FAAH: variants seen among roughly 807,000 people sequenced by gnomAD.
FAAH encodes fatty-acid amide hydrolase 1.
A neutral mutation model predicts 69.7 loss-of-function variants in FAAH; 63 were observed. The ratio of observed to expected loss-of-function variants is 0.90; its 90% CI spans 0.74 to 1.12. The LOEUF (loss-of-function observed/expected upper bound fraction) is 1.12. Ranked by LOEUF, FAAH falls within the 50% of genes most tolerant of loss-of-function variation. The probability of loss-of-function intolerance (pLI) is 0.00; values close to 1 mark genes in which losing one functional copy is unlikely to be tolerated. For synonymous variants in FAAH, 305 were observed against 324.2 expected, an observed-to-expected ratio of 0.94 and a Z score of 0.64; for missense variants, 680 against 755.0, an observed-to-expected ratio of 0.90 and a Z score of 1.16.
intron 1 of FAAH, among the ~76,000 whole-genome samples, chr1:46,401,128 A>AG (rs1385748312): frequency 6.5e-5 from 3 of 46,480 alleles, no homozygotes; most frequent in Admixed American, 2.8e-4. Flanking sequence ...CCAGGGGAGG[A>AG]GGGGGAGTAG....
intron 13 of FAAH, 25 bp from the exon 14 acceptor site, chr1:46,413,050 T>G (rs1335586646): frequency 3.1e-6 from 5 of 1,613,760 alleles, no homozygotes; most frequent in Non-Finnish European, 4.2e-6. Flanking sequence ...CAGGGCCTGC[T>G]GCAGCTGCCT....
At chr1:46,403,305 A>G (rs1357803876) in intron 2 of FAAH, among the ~76,000 whole-genome samples, 1 of 149,328 alleles carries the variant, frequency 6.7e-6, no homozygotes, top group Non-Finnish European at 1.5e-5. Context: ...TAATTTTTGT[A>G]TTTTTATTTG....
intron 1 of FAAH, among the ~76,000 whole-genome samples, chr1:46,399,692 A>G (rs1425692894): frequency 6.6e-6 from 1 of 152,238 alleles, no homozygotes; most frequent in Non-Finnish European, 1.5e-5. Context: ...TTAAAATACA[A>G]TGAACCTGTA....
chr1:46,405,949 A>G lies in FAAH; in HGVS notation c.786-89A>G, dbSNP rs2148449569. 1 of 1,612,932 alleles carries G rather than the reference A, an allele frequency of 6.2e-7. No individual in the cohort carries two copies. On this transcript the variant is annotated intron_variant, in intron 5 of 14. Coordinates refer to ENST00000243167, the MANE Select transcript of FAAH (RefSeq NM_001441.3). The surrounding 1 kb of genome is among the most constrained non-coding windows in gnomAD (Gnocchi z 4.1). The stretch of plus-strand genomic sequence containing the variant: ...GCCGGGCGTGGGTCCTAGTTTCCAA[A>G]GCGGTGAGTGTTCAGAGCTGCTCTG...
chr1:46,407,447 C>T (rs1390147064), intron 7 of FAAH, among the ~76,000 whole-genome samples: 1 of 152,046 alleles, frequency 6.6e-6, no homozygotes, highest in Admixed American at 6.5e-5. Flanking sequence ...TGGAATGAAT[C>T]GGAAGGTTAT....
rs1357968819 is a variant in FAAH, at chr1:46,413,553, C to G, written c.1718C>G (p.Thr573Ser). The G allele has an allele frequency of 1.9e-6, 3 of 1,614,080 alleles. No homozygotes were observed. In the Admixed American group the frequency reaches 5.0e-5, roughly 27 times the overall value. The change falls in exon 15 of 15, where the codon ACC becomes AGC. Residue 573 changes from threonine (T) to serine (S), a missense_variant. By Grantham distance (58) the Thr-to-Ser change is moderately conservative (BLOSUM62 1). Transcript: ENST00000243167. ...ATGCGGGAGGTGGAGCGACTGATGA[C>G]CCCTGAAAAGCAGTCATCCTGATGG... ...RFMREVERLM[T>S]PEKQSS
chr1:46,394,683 G>C, intron 1 of FAAH, 140 bp downstream of exon 1: 1 of 761,740 alleles, frequency 1.3e-6, no homozygotes, highest in Middle Eastern at 4.3e-4. Context: ...CTTGCCCTAA[G>C]ATATTCCGCA....
intron 1 of FAAH, among the ~76,000 whole-genome samples, chr1:46,398,821 C>T (rs1041163035): frequency 1.3e-5 from 2 of 152,188 alleles, no homozygotes; most frequent in Admixed American, 6.5e-5. Flanking sequence ...AGGTGTGAGC[C>T]ACCACTCCCG....
chr1:46,398,201 T>C (rs1430344614), intron 1 of FAAH, among the ~76,000 whole-genome samples: 2 of 152,076 alleles, frequency 1.3e-5, no homozygotes, highest in African/African-American at 4.8e-5. Flanking sequence ...TCCCAAAGTG[T>C]TGGGATAACA....
At position 46,408,558 on chromosome 1, in the gene FAAH, C is replaced by G; in HGVS notation, c.1051C>G (p.Gln351Glu). The G allele has an allele frequency of 1.2e-6, 2 of 1,614,222 alleles. No homozygotes were observed. Among genetic ancestry groups the G allele is most frequent in the African/African-American group, 2.7e-5 (2 of 75,056 alleles). Residue 351 changes from glutamine to glutamate, a missense_variant, in exon 8 of 15, where the codon CAG (glutamine) becomes GAG (glutamate). Gln to Glu is a conservative substitution (Grantham distance 29). Transcript: ENST00000243167. ...GAGGCGGGCCGTGCTGGAGACCAAA[C>G]AGAGCCTTGAGGCTGCGGGGCACAC... The part of the protein sequence containing the change: ...AMRRAVLETK[Q>E]SLEAAGHTLV...
rs559507998 is a variant in FAAH at position 46,411,717 on chromosome 1, G to A, written c.1356+66G>A. 10 of 1,577,298 alleles carry A rather than the reference G, an allele frequency of 6.3e-6. No homozygotes were observed. The South Asian group carries it at 9.0e-5, about 14-fold the overall frequency. On this transcript the variant is annotated intron_variant, in intron 12 of 14. Transcript: ENST00000243167. The surrounding 1 kb of genome is among the most constrained non-coding windows in gnomAD (Gnocchi z 4.8). ...GAGGGTGGAGTTGGACAGGGTACCC[G>A]CTAGCAGTGTCTCGTGGCCACTGCC...
intron 2 of FAAH, among the ~76,000 whole-genome samples, chr1:46,402,907 G>A (rs1310915284): frequency 6.6e-6 from 1 of 152,088 alleles, no homozygotes; most frequent in East Asian, 1.9e-4. Context: ...TGGTCAGGCT[G>A]GTCTGGAACT....
intron 1 of FAAH, among the ~76,000 whole-genome samples, chr1:46,397,244 C>T (rs1324465418): frequency 1.3e-5 from 2 of 152,258 alleles, no homozygotes; most frequent in Non-Finnish European, 2.9e-5. Flanking sequence ...AACTCCCCTC[C>T]TGGTTGCAAG....
Position 46,412,166 on chromosome 1 carries a change from C to A in FAAH, c.1380C>A (p.Ala460=). ...AGGTGTACCGCAAAACCGTGATTGC[C>A]CAGTGGAGGGCGCTGGACCTGGATG... ...EIEVYRKTVI[A]QWRALDLDVV... is the part of the protein sequence containing the mutation. Residue 460 remains alanine, a synonymous_variant, in exon 13 of 15, where the codon GCC becomes GCA. Transcript: ENST00000243167. 6.4e-7 allele frequency: 1 copy of A among 1,562,604 alleles called. No homozygotes were observed. The highest frequency in any genetic ancestry group is 2.4e-5 in the East Asian group (1 of 41,690).
Position 46,410,235 on chromosome 1 carries a change from G to T in FAAH, c.1176-163G>T. ...GGGTTGCAGCCCAGGCATCCCAAAG[G>T]ATCAGCAGAAACAAACGGCATGTTT... On this transcript the variant is annotated intron_variant, in intron 9 of 14. Coordinates refer to ENST00000243167, the MANE Select transcript of FAAH (RefSeq NM_001441.3). The surrounding 1 kb of genome is among the most constrained non-coding windows in gnomAD (Gnocchi z 4.9). The T allele has an allele frequency of 1.4e-6, 1 of 720,220 alleles. No individual in the cohort carries two copies. The allele number at this position is 720,220 out of a possible 1,614,324, so 44.6% of individuals were successfully genotyped here. A position where few individuals can be genotyped will look rare whatever the true frequency, so the allele number is the denominator to read the frequency against.
chr1:46,412,083 A>G, intron 12 of FAAH, 60 bp from the exon 13 acceptor site: 1 of 1,438,554 alleles, frequency 7.0e-7, no homozygotes, highest in Non-Finnish European at 9.6e-7. Flanking sequence ...TCCCTGAGTT[A>G]AAGAGCCTGG....
At position 46,404,236 on chromosome 1, in the gene FAAH, C is replaced by A. The variant is rs1056888259; in HGVS notation, c.310-778C>A. Among the ~76,000 whole-genome samples, 3 of 152,178 alleles carry A rather than the reference C, an allele frequency of 2.0e-5. No individual in the cohort carries two copies. Among genetic ancestry groups the A allele is most frequent in the African/African-American group, 7.2e-5 (3 of 41,434 alleles). On this transcript the variant is annotated intron_variant, in intron 2 of 14. Coordinates refer to ENST00000243167, the MANE Select transcript of FAAH (RefSeq NM_001441.3). The surrounding 1 kb of genome is among the most constrained non-coding windows in gnomAD (Gnocchi z 4.5). The stretch of plus-strand genomic sequence containing the variant: ...TCTGGTTAGATTAGCCTTCTCTGTT[C>A]CTGCCTCGGGTACCCCGGGGACAGA...
At position 46,409,346 on chromosome 1, in the gene FAAH, A is replaced by G. The variant is rs59006610; in HGVS notation, c.1175+148A>G. The stretch of plus-strand genomic sequence containing the variant: ...TGGGCAGGGACCTCGCTGTCCCTCC[A>G]GCTGGGCACATTGAGCCTGGAGATC... On this transcript the variant is annotated intron_variant, in intron 9 of 14. Coordinates refer to ENST00000243167, the MANE Select transcript of FAAH (RefSeq NM_001441.3). The G allele has an allele frequency of 1.7e-3, 1,195 of 698,212 alleles. 12 individuals carry two copies. In the African/African-American group the frequency reaches 0.018, roughly 11 times the overall value. 43.3% of individuals were successfully genotyped at this position (698,212 alleles called of 1,614,324 possible).
At chr1:46,412,669 G>T (rs763101615) in intron 13 of FAAH, among the ~76,000 whole-genome samples, 37 of 151,884 alleles carry the variant, frequency 2.4e-4, no homozygotes, top group Non-Finnish European at 5.1e-4. Flanking sequence ...AAATTAGCTG[G>T]GTGTGGTTGC....
Sources: allele counts gnomAD v4.1 joint callset (sites outside exome capture counted in the v4.1 genomes callset), GRCh38; gene constraint gnomAD v4.1.1; non-coding constraint Gnocchi (gnomAD v3.1); transcripts MANE v1.5; gene names NCBI Gene and HGNC (gene_info 2026-07-23, HGNC 2026-07-21).